CREB3L2: variants seen among roughly 807,000 people sequenced by gnomAD.
CREB3L2 encodes cyclic AMP-responsive element-binding protein 3-like protein 2.
A neutral mutation model predicts 57.2 loss-of-function variants in CREB3L2; 23 were observed. That is an observed-to-expected ratio of 0.40 (90% CI 0.29 to 0.57). The LOEUF is 0.57. Ranked by LOEUF, CREB3L2 falls within the 20% of genes least tolerant of loss-of-function variation. The pLI, the probability that CREB3L2 is intolerant of heterozygous loss-of-function variation, is 0.42. For synonymous variants in CREB3L2, 268 were observed against 265.1 expected (o/e 1.01, Z -0.11); for missense variants, 628 against 634.7 (o/e 0.99, Z 0.11).
intron 1 of CREB3L2, among the ~76,000 whole-genome samples, chr7:137,970,305 A>G (rs1478707302): frequency 2.0e-5 from 3 of 152,256 alleles, no homozygotes; most frequent in Admixed American, 6.5e-5. Flanking sequence ...TCCAAAGAAT[A>G]AGCTGACCAT....
intron 1 of CREB3L2, among the ~76,000 whole-genome samples, chr7:137,993,078 A>C (rs1801929406): frequency 6.6e-6 from 1 of 152,224 alleles, no homozygotes; most frequent in South Asian, 2.1e-4. Context: ...GAGGAGAGGA[A>C]ATAAAGATGC....
chr7:137,905,834 T>C lies in CREB3L2; in HGVS notation c.783A>G (p.Ser261=). The stretch of plus-strand genomic sequence containing the variant: ...CCTCCTCTGTCAGGACCAGAGGGCC[T>C]GATCCCTGCAGTTTCTGTGCAGACC... ...LLTAPHKLQG[S]GPLVLTEEEK... is the part of the protein sequence containing the mutation. Residue 261 remains serine (S), a synonymous_variant, in exon 6 of 12, where the codon TCA becomes TCG. Coordinates refer to ENST00000330387, the MANE Select transcript of CREB3L2 (RefSeq NM_194071.4). 1.9e-6 allele frequency: 3 copies of C among 1,612,354 alleles called. No individual in the cohort carries two copies. Among genetic ancestry groups the C allele is most frequent in the Non-Finnish European group, 2.5e-6 (3 of 1,179,306 alleles).
intron 1 of CREB3L2, among the ~76,000 whole-genome samples, chr7:137,940,415 C>T (rs1423577912): frequency 6.6e-6 from 1 of 152,176 alleles, no homozygotes; most frequent in African/African-American, 2.4e-5. Context: ...TTACAGCAGG[C>T]TCCAAATCAC....
chr7:137,878,003 GTTGGTTC>G lies in CREB3L2; in HGVS notation c.*2466_*2472del. On this transcript the variant is annotated 3_prime_UTR_variant, in exon 12 of 12. Transcript: ENST00000330387. The stretch of plus-strand genomic sequence containing the variant: ...GAGGTTTATCTAAAAGAGCAGTGAT[GTTGGTTC>G]TTGGAGCCCCCTTAAAAGGGCCATC... 8.8e-6 allele frequency: 2 copies of G among 228,398 alleles called. No homozygotes were observed. The highest frequency in any genetic ancestry group is 1.7e-5 in the Non-Finnish European group (2 of 115,160). The allele number at this position is 228,398 out of a possible 1,614,324, so 14.1% of individuals were successfully genotyped here.
intron 1 of CREB3L2, among the ~76,000 whole-genome samples, chr7:137,945,848 C>T (rs907122654): frequency 6.6e-6 from 1 of 152,140 alleles, no homozygotes; most frequent in African/African-American, 2.4e-5. Flanking sequence ...ATTGCCCTAT[C>T]GAAACACTTT....
rs370561154 is a variant in CREB3L2 at position 137,966,145 on chromosome 7, G to A, written c.102+35459C>T. 2.0e-4 allele frequency among the ~76,000 whole-genome samples: 30 copies of A among 152,280 alleles called. 1 individual carries two copies. In the South Asian group the frequency reaches 6.0e-3, roughly 31 times the overall value. ...GCATCAAGACAGAGGAGCCAAAGAA[G>A]ATACAGATCAGAGACAGGAAGTGCA... On this transcript the variant is annotated intron_variant, in intron 1 of 11. Transcript: ENST00000330387.
At chr7:137,889,499 T>G (rs545007059) in intron 8 of CREB3L2, among the ~76,000 whole-genome samples, 118 of 152,366 alleles carry the variant, frequency 7.7e-4, no homozygotes, top group African/African-American at 2.8e-3. Context: ...TAACAGTTTA[T>G]AATCTAACTC....
chr7:137,950,753 T>C (rs755118160), intron 1 of CREB3L2, among the ~76,000 whole-genome samples: 17 of 152,210 alleles, frequency 1.1e-4, no homozygotes, highest in Non-Finnish European at 2.4e-4. Context: ...ACACACTTTA[T>C]AAAGGACTCA....
At position 137,957,507 on chromosome 7, in the gene CREB3L2, AAGTCCTCCTTCACCCT is replaced by A. The variant is rs1044673088; in HGVS notation, c.103-29157_103-29142del. Among the ~76,000 whole-genome samples, 11 of 152,092 alleles carry A rather than the reference AAGTCCTCCTTCACCCT, an allele frequency of 7.2e-5. 1 individual carries two copies. Among genetic ancestry groups the A allele is most frequent in the African/African-American group, 1.9e-4 (8 of 41,432 alleles). Reference sequence around the variant, plus strand: ...CAGGGGTGCCTAATTATACAACCCCAAGTCCTCCTTCACCCTAGAATCTCCACTGGGCCCAGACTAC... The same window carrying A: ...CAGGGGTGCCTAATTATACAACCCCAAGAATCTCCACTGGGCCCAGACTAC... On this transcript the variant is annotated intron_variant, in intron 1 of 11. Coordinates refer to ENST00000330387, the MANE Select transcript of CREB3L2 (RefSeq NM_194071.4).
intron 7 of CREB3L2, among the ~76,000 whole-genome samples, chr7:137,901,700 G>A (rs1272658097): frequency 6.6e-6 from 1 of 151,674 alleles, no homozygotes; most frequent in East Asian, 1.9e-4. Flanking sequence ...CCGACATGGT[G>A]AAACCCTGTC....
At position 137,915,861 on chromosome 7, in the gene CREB3L2, T is replaced by G; in HGVS notation, c.471A>C (p.Glu157Asp). ...TAISTPLEKE[E>D]PPLEMNTGVD... ...CCCCAGTGTTCATTTCCAGAGGAGG[T>G]TCCTCCTTTTCCAACGGGGTGGAGA... The change falls in exon 3 of 12, where the codon GAA (glutamate) becomes GAC (aspartate). Residue 157 changes from glutamate to aspartate, a missense_variant. Glu to Asp is a conservative substitution (Grantham distance 45). This residue lies in a region of CREB3L2 where 339 missense variants were observed against 355.4 expected (regional missense o/e 0.95). Transcript: ENST00000330387. 6.2e-7 allele frequency: 1 copy of G among 1,614,008 alleles called. No individual in the cohort carries two copies. Among genetic ancestry groups the G allele is most frequent in the Non-Finnish European group, 8.5e-7 (1 of 1,179,964 alleles).
intron 2 of CREB3L2, among the ~76,000 whole-genome samples, chr7:137,921,416 A>G (rs1393161323): frequency 6.6e-6 from 1 of 152,248 alleles, no homozygotes; most frequent in Non-Finnish European, 1.5e-5. Flanking sequence ...AGTCCTTTAC[A>G]TCCAAAGACA....
At chr7:137,897,192 C>T (rs1028174578) in intron 8 of CREB3L2, among the ~76,000 whole-genome samples, 3 of 152,138 alleles carry the variant, frequency 2.0e-5, no homozygotes, top group Non-Finnish European at 4.4e-5. Flanking sequence ...TACATCAAAT[C>T]GTTACATTGT....
chr7:137,897,834 T>C lies in CREB3L2; in HGVS notation c.1043+3520A>G, dbSNP rs369394895. The stretch of plus-strand genomic sequence containing the variant: ...TACCTCTGAGTGAAAGGATTCTTTT[T>C]TTTTCCTAAATTATTTTTACAAGGA... On this transcript the variant is annotated intron_variant, in intron 8 of 11. Coordinates refer to ENST00000330387, the MANE Select transcript of CREB3L2 (RefSeq NM_194071.4). 3.9e-5 allele frequency among the ~76,000 whole-genome samples: 6 copies of C among 152,370 alleles called. No individual in the cohort carries two copies. In the East Asian group the frequency reaches 9.6e-4, roughly 24 times the overall value.
chr7:137,903,953 G>T lies in CREB3L2; in HGVS notation c.974+6C>A. ...GATGAACGCAACAGTTTGCCAGCAG[G>T]CTTACTTTTTCTCCAGGCTGTCCAT... is the stretch of plus-strand genomic sequence containing the variant. On this transcript the variant is annotated splice_donor_region_variant and intron_variant, in intron 7 of 11. Transcript: ENST00000330387. 6.2e-7 allele frequency: 1 copy of T among 1,612,252 alleles called. No individual in the cohort carries two copies. The highest frequency in any genetic ancestry group is 8.5e-7 in the Non-Finnish European group (1 of 1,178,290).
intron 8 of CREB3L2, among the ~76,000 whole-genome samples, chr7:137,897,767 C>T (rs1799657776): frequency 6.6e-6 from 1 of 152,020 alleles, no homozygotes; most frequent in Admixed American, 6.6e-5. Flanking sequence ...GAAGTATGTA[C>T]AATATAAATA....
Position 137,999,338 on chromosome 7 carries a change from A to G in CREB3L2, c.102+2266T>C, listed in dbSNP as rs537487293. Among the ~76,000 whole-genome samples the G allele has an allele frequency of 3.3e-5, 5 of 150,728 alleles. No individual in the cohort carries two copies. The South Asian group carries it at 1.1e-3, about 32-fold the overall frequency. Reference sequence around the variant, plus strand: ...TTTTCCATAACACTTATTTCATCCAACATAATCACTTCTTTATAATGTTTA... The same window carrying G: ...TTTTCCATAACACTTATTTCATCCAGCATAATCACTTCTTTATAATGTTTA... On this transcript the variant is annotated intron_variant, in intron 1 of 11. Coordinates refer to ENST00000330387, the MANE Select transcript of CREB3L2 (RefSeq NM_194071.4).
chr7:137,919,240 C>T (rs34563934), intron 2 of CREB3L2, among the ~76,000 whole-genome samples: 5,096 of 150,458 alleles, frequency 0.034, 177 homozygotes, highest in East Asian at 0.1. Context: ...GGTGTGATCT[C>T]GGCTCACTGC....
chr7:137,922,440 A>ATATATATACG (rs1800341876), intron 2 of CREB3L2: 1 of 19,292 alleles, frequency 5.2e-5, no homozygotes, highest in Non-Finnish European at 9.8e-5. Context: ...ATATATACGT[A>ATATATATACG]TATATATATA....
Sources: gnomAD v4.1 joint callset for allele counts (sites outside exome capture counted in the v4.1 genomes callset) on GRCh38, gnomAD v4.1.1 for gene constraint, gnomAD v4.1.1 regional missense constraint, MANE v1.5 for transcripts, NCBI Gene and HGNC (gene_info 2026-07-23, HGNC 2026-07-21) for gene names.